The following FAM222A variants were observed in gnomAD, a reference collection of about 807,000 sequenced individuals.
FAM222A encodes family with sequence similarity 222 member A, also known as protein FAM222A.
In FAM222A, 7 loss-of-function variants were observed where a neutral mutation model predicts 25.8. The ratio of observed to expected loss-of-function variants is 0.27; its 90% confidence interval spans 0.15 to 0.51. The LOEUF (loss-of-function observed/expected upper bound fraction) is 0.51, where lower values mean the gene tolerates loss of function less well. Ranked by LOEUF, FAM222A falls within the 20% of genes least tolerant of loss-of-function variation. The pLI, the probability that FAM222A is intolerant of heterozygous loss-of-function variation, is 0.97. For synonymous variants in FAM222A, 294 were observed against 298.8 expected (o/e 0.98, Z 0.17); for missense variants, 573 against 640.5 (o/e 0.89, Z 1.14).
chr12:109,730,737 A>C (rs1297759589), intron 1 of FAM222A, among the ~76,000 whole-genome samples: 4 of 151,896 alleles, frequency 2.6e-5, no homozygotes, highest in Non-Finnish European at 4.4e-5. Context: ...TGGTGACTGC[A>C]CTCGTTGGAG....
At position 109,769,050 on chromosome 12, in the gene FAM222A, C is replaced by G; in HGVS notation, c.1121C>G (p.Pro374Arg). Residue 374 changes from proline (P) to arginine (R), a missense_variant, in exon 3 of 3, where the codon CCG (proline) becomes CGG (arginine). Physicochemically the swap from Pro to Arg is moderately radical, Grantham distance 103. Coordinates refer to ENST00000538780, the MANE Select transcript of FAM222A (RefSeq NM_032829.3). ...GCGGTGGTGGTCACGGAGCTGGGGCCGGGGGCAGCCCGGGAGCTGGCTGGG... is the reference window on the plus strand; with the variant it reads ...GCGGTGGTGGTCACGGAGCTGGGGCGGGGGGCAGCCCGGGAGCTGGCTGGG... Reference protein sequence around the residue: ...AAAVVVTELGPGAARELAGPP... With the variant: ...AAAVVVTELGRGAARELAGPP... 1 of 1,588,396 alleles carries G rather than the reference C, an allele frequency of 6.3e-7. No individual in the cohort carries two copies. Among genetic ancestry groups the G allele is most frequent in the Non-Finnish European group, 8.6e-7 (1 of 1,168,682 alleles).
chr12:109,739,289 C>T (rs1392804949), intron 1 of FAM222A, among the ~76,000 whole-genome samples: 1 of 152,230 alleles, frequency 6.6e-6, no homozygotes, highest in African/African-American at 2.4e-5. Flanking sequence ...CCTGCCACAT[C>T]AGGAAAATGC....
chr12:109,721,180 C>G (rs193122134), intron 1 of FAM222A, among the ~76,000 whole-genome samples: 27 of 152,312 alleles, frequency 1.8e-4, no homozygotes, highest in African/African-American at 6.3e-4. Context: ...AAGCAGCAGC[C>G]CTGGGCCACA....
chr12:109,734,417 C>T (rs1275238734), intron 1 of FAM222A: 1 of 151,928 alleles, frequency 6.6e-6, no homozygotes, highest in Non-Finnish European at 1.5e-5. Context: ...TCCGGCTCCG[C>T]AGAAAGCTCA....
intron 2 of FAM222A, among the ~76,000 whole-genome samples, chr12:109,755,479 C>T (rs1208251658): frequency 6.6e-6 from 1 of 151,484 alleles, no homozygotes; most frequent in African/African-American, 2.4e-5. Context: ...CAGGCATGCG[C>T]CACCATGGCC....
At chr12:109,750,744 G>C (rs1033021085) in intron 2 of FAM222A, among the ~76,000 whole-genome samples, 1 of 151,322 alleles carries the variant, frequency 6.6e-6, no homozygotes, top group Non-Finnish European at 1.5e-5. Context: ...CATTCAGAAC[G>C]GTCTCTCTAT....
At chr12:109,759,141 AC>A (rs1888816128) in intron 2 of FAM222A, among the ~76,000 whole-genome samples, 1 of 152,048 alleles carries the variant, frequency 6.6e-6, no homozygotes, top group South Asian at 2.1e-4. Context: ...TGCCAGCAGA[AC>A]CCACCTCCAA....
At chr12:109,760,928 G>A (rs552089238) in intron 2 of FAM222A, among the ~76,000 whole-genome samples, 2 of 152,286 alleles carry the variant, frequency 1.3e-5, no homozygotes, top group South Asian at 4.1e-4. Flanking sequence ...TCAGTGGAGG[G>A]GTTACAGAAA....
At chr12:109,760,322 T>C (rs569310537) in intron 2 of FAM222A, among the ~76,000 whole-genome samples, 1 of 152,166 alleles carries the variant, frequency 6.6e-6, no homozygotes, top group South Asian at 2.1e-4. Flanking sequence ...AGTGCTTCAG[T>C]TAGACCCTAA....
rs777927919 is a variant in FAM222A, at chr12:109,769,050, C to T, written c.1121C>T (p.Pro374Leu). The change falls in exon 3 of 3, where the codon CCG (proline) becomes CTG (leucine). Residue 374 changes from proline to leucine, a missense_variant. Pro to Leu is a moderately conservative substitution (Grantham distance 98, BLOSUM62 -3). This residue lies in a region of FAM222A where 412 missense variants were observed against 407.0 expected (regional missense o/e 1.01). Transcript: ENST00000538780. ...GCGGTGGTGGTCACGGAGCTGGGGC[C>T]GGGGGCAGCCCGGGAGCTGGCTGGG... ...AAAVVVTELGPGAARELAGPP... is the reference protein window; with the variant it reads ...AAAVVVTELGLGAARELAGPP... The T allele has an allele frequency of 2.1e-5, 34 of 1,588,278 alleles. No individual in the cohort carries two copies. In the South Asian group the frequency reaches 3.2e-4, roughly 15 times the overall value.
At chr12:109,764,103 C>A (rs1250088579) in intron 2 of FAM222A, among the ~76,000 whole-genome samples, 4 of 151,596 alleles carry the variant, frequency 2.6e-5, no homozygotes, top group African/African-American at 9.7e-5. Flanking sequence ...AGTGGCACAC[C>A]CTTGTAGTTC....
At chr12:109,765,445 G>A (rs530852258) in intron 2 of FAM222A, among the ~76,000 whole-genome samples, 1 of 152,214 alleles carries the variant, frequency 6.6e-6, no homozygotes, top group Admixed American at 6.5e-5. Context: ...GCCTGCCCCG[G>A]TGCCTCTCTC....
At chr12:109,761,542 C>G (rs1888896206) in intron 2 of FAM222A, among the ~76,000 whole-genome samples, 1 of 152,210 alleles carries the variant, frequency 6.6e-6, no homozygotes, top group Non-Finnish European at 1.5e-5. Flanking sequence ...GGGCTTGTTC[C>G]TTCACACCTT....
chr12:109,751,091 T>A (rs557458956), intron 2 of FAM222A, among the ~76,000 whole-genome samples: 1 of 152,284 alleles, frequency 6.6e-6, no homozygotes, highest in East Asian at 1.9e-4. Flanking sequence ...CTTTCACCTG[T>A]CTTCCCTATG....
At chr12:109,755,520 G>A (rs749685569) in intron 2 of FAM222A, among the ~76,000 whole-genome samples, 11 of 151,772 alleles carry the variant, frequency 7.2e-5, no homozygotes, top group Non-Finnish European at 1.5e-4. Context: ...TACAGACACG[G>A]TTTCTCTATG....
intron 1 of FAM222A, among the ~76,000 whole-genome samples, chr12:109,719,577 G>A (rs1887710322): frequency 1.3e-5 from 2 of 152,198 alleles, no homozygotes. Flanking sequence ...GCTGGAGGAG[G>A]GAAAACCTGC....
At chr12:109,765,381 C>T (rs1007335868) in intron 2 of FAM222A, among the ~76,000 whole-genome samples, 2 of 152,232 alleles carry the variant, frequency 1.3e-5, no homozygotes, top group Non-Finnish European at 2.9e-5. Context: ...AGCCGCTTTC[C>T]TGCAGCGAAG....
rs76564585 is a variant in FAM222A at position 109,752,442 on chromosome 12, G to A, written c.82+8214G>A. Reference sequence around the variant, plus strand: ...GCTCCTGCCCTTTCCTCCCAGGCATGGTTCTTGGGTGATATGGCCCAGATC... The same window carrying A: ...GCTCCTGCCCTTTCCTCCCAGGCATAGTTCTTGGGTGATATGGCCCAGATC... On this transcript the variant is annotated intron_variant, in intron 2 of 2. Coordinates refer to ENST00000538780, the MANE Select transcript of FAM222A (RefSeq NM_032829.3). Among the ~76,000 whole-genome samples the A allele has an allele frequency of 2.2e-3, 336 of 152,260 alleles. 3 individuals carry two copies. Among genetic ancestry groups the A allele is most frequent in the African/African-American group, 7.8e-3 (323 of 41,562 alleles).
chr12:109,748,253 T>C (rs1428810983), intron 2 of FAM222A, among the ~76,000 whole-genome samples: 1 of 152,146 alleles, frequency 6.6e-6, no homozygotes, highest in Non-Finnish European at 1.5e-5. Flanking sequence ...AATATTTCTT[T>C]ATAATATACT....
Sources: allele counts gnomAD v4.1 joint callset (sites outside exome capture counted in the v4.1 genomes callset), GRCh38; gene constraint gnomAD v4.1.1; regional missense constraint gnomAD v4.1.1; transcripts MANE v1.5; gene names NCBI Gene and HGNC (gene_info 2026-07-23, HGNC 2026-07-21).